KIF1B: variants seen among roughly 807,000 people sequenced by gnomAD.
KIF1B encodes kinesin-like protein KIF1B.
KIF1B carries 76 observed loss-of-function variants against 241.9 expected under a neutral mutation model. The ratio of observed to expected loss-of-function variants is 0.31; its 90% CI spans 0.26 to 0.38. KIF1B has a LOEUF of 0.38. Among genes scored for constraint, KIF1B ranks in the 10% least tolerant of loss-of-function variants. The probability of loss-of-function intolerance (pLI) is 1.00; values close to 1 mark genes in which losing one functional copy is unlikely to be tolerated. For missense variants in KIF1B, 1,622 were observed against 2,271.4 expected, an observed-to-expected ratio of 0.71 and a Z score of 5.81; for synonymous variants, 750 against 796.7, an observed-to-expected ratio of 0.94 and a Z score of 0.99.
chr1:10,282,060 C>G (rs1649430061), intron 14 of KIF1B, among the ~76,000 whole-genome samples: 1 of 152,176 alleles, frequency 6.6e-6, no homozygotes. Context: ...CTGCGAGATA[C>G]AGCGTTAACC....
chr1:10,298,143 C>T (rs1473315134), intron 22 of KIF1B, among the ~76,000 whole-genome samples: 3 of 152,130 alleles, frequency 2.0e-5, no homozygotes, highest in Admixed American at 6.5e-5. Flanking sequence ...GTATAACTAA[C>T]CTTTGGATAC....
chr1:10,306,883 A>T, intron 22 of KIF1B: 1 of 1,043,848 alleles, frequency 9.6e-7, no homozygotes, highest in Non-Finnish European at 1.2e-6. Context: ...ATATATTTTC[A>T]TTCTTACAGT....
intron 38 of KIF1B, among the ~76,000 whole-genome samples, chr1:10,354,548 A>C (rs1652908483): frequency 6.6e-6 from 1 of 152,188 alleles, no homozygotes; most frequent in Non-Finnish European, 1.5e-5. Flanking sequence ...ACAACTCACC[A>C]TTTTCTAACC....
intron 22 of KIF1B, chr1:10,305,087 G>T: frequency 9.4e-7 from 1 of 1,066,212 alleles, no homozygotes; most frequent in Non-Finnish European, 1.1e-6. Context: ...GTTAGAAATT[G>T]GTTTAAAAAT....
In KIF1B at chr1:10,324,989, A is replaced by G. The variant is rs78963948; in HGVS notation, c.2675+94A>G. On this transcript the variant is annotated intron_variant, in intron 26 of 48. Coordinates refer to ENST00000676179, the MANE Select transcript of KIF1B (RefSeq NM_001365951.3). Reference sequence around the variant, plus strand: ...AGATAATATAAAAAGTTAAGAGGAAAAAAAAAGGTGTAAAAAGGCCTTATC... The same window carrying G: ...AGATAATATAAAAAGTTAAGAGGAAGAAAAAAGGTGTAAAAAGGCCTTATC... 5.1e-3 allele frequency: 7,545 copies of G among 1,473,540 alleles called. 344 individuals carry two copies. In the African/African-American group the frequency reaches 0.092, roughly 18 times the overall value. The allele number at this position is 1,473,540 out of a possible 1,614,324, so 91.3% of individuals were successfully genotyped here. A position where few individuals can be genotyped will look rare whatever the true frequency, so the allele number is the denominator to read the frequency against.
At chr1:10,299,680 A>G (rs1650443142) in intron 22 of KIF1B, among the ~76,000 whole-genome samples, 1 of 152,212 alleles carries the variant, frequency 6.6e-6, no homozygotes, top group South Asian at 2.1e-4. Flanking sequence ...CTATTCTGAT[A>G]GTTCCCAAAT....
At chr1:10,333,372 A>G (rs1652031678) in intron 27 of KIF1B, among the ~76,000 whole-genome samples, 1 of 148,400 alleles carries the variant, frequency 6.7e-6, no homozygotes, top group Non-Finnish European at 1.5e-5. Flanking sequence ...CTCCATCTCA[A>G]AATAAATAAA....
chr1:10,217,250 G>A (rs1346605480), intron 1 of KIF1B, among the ~76,000 whole-genome samples: 3 of 151,078 alleles, frequency 2.0e-5, no homozygotes, highest in African/African-American at 7.3e-5. Context: ...TTGGGATTAC[G>A]GGCGTGACCC....
At chr1:10,261,830 T>A (rs908162094) in intron 4 of KIF1B, 75 bp from the exon 5 acceptor site, 45 of 889,980 alleles carry the variant, frequency 5.1e-5, no homozygotes, top group Middle Eastern at 2.2e-4. Flanking sequence ...TCTGGCTAAT[T>A]CATTGAGCAC....
At chr1:10,349,530 A>G (rs1166438027) in intron 37 of KIF1B, among the ~76,000 whole-genome samples, 3 of 152,206 alleles carry the variant, frequency 2.0e-5, no homozygotes, top group Non-Finnish European at 4.4e-5. Flanking sequence ...TGATGAATAA[A>G]TACCAAAATG....
intron 4 of KIF1B, among the ~76,000 whole-genome samples, chr1:10,258,883 G>A (rs1260731775): frequency 6.6e-6 from 1 of 152,180 alleles, no homozygotes. Context: ...AGGTGGGAAA[G>A]TCAGTGTTTT....
chr1:10,340,733 G>A (rs1652362013), intron 32 of KIF1B, among the ~76,000 whole-genome samples: 1 of 152,046 alleles, frequency 6.6e-6, no homozygotes, highest in South Asian at 2.1e-4. Flanking sequence ...TTGAGATTGT[G>A]CCACTGCACT....
intron 1 of KIF1B, among the ~76,000 whole-genome samples, chr1:10,226,972 A>AAAAAAAC (rs1553160557): frequency 2.0e-5 from 3 of 146,678 alleles, no homozygotes. Flanking sequence ...CCCTGTCTCA[A>AAAAAAAC]AAACAAACAA....
intron 27 of KIF1B, among the ~76,000 whole-genome samples, chr1:10,332,474 C>G (rs1173669509): frequency 6.9e-6 from 1 of 145,954 alleles, no homozygotes; most frequent in Non-Finnish European, 1.5e-5. Flanking sequence ...CTCACCTTGT[C>G]AGTCACCCTG....
intron 38 of KIF1B, among the ~76,000 whole-genome samples, chr1:10,353,832 A>G (rs746900055): frequency 5.9e-5 from 9 of 152,162 alleles, no homozygotes; most frequent in Non-Finnish European, 1.3e-4. Context: ...GCAGAAATAA[A>G]GAGGGGTGCT....
intron 37 of KIF1B, among the ~76,000 whole-genome samples, chr1:10,352,255 C>T (rs1652821698): frequency 6.9e-6 from 1 of 145,902 alleles, no homozygotes; most frequent in African/African-American, 2.6e-5. Context: ...GTGTGAATAG[C>T]AGGTCAGAAG....
At chr1:10,272,522 A>G in intron 9 of KIF1B, 3 of 628,196 alleles carry the variant, frequency 4.8e-6, no homozygotes. Context: ...GTAAATATAG[A>G]TCTGTAAAAA....
At chr1:10,252,516 A>T (rs1464471668) in intron 2 of KIF1B, among the ~76,000 whole-genome samples, 1 of 151,562 alleles carries the variant, frequency 6.6e-6, no homozygotes, top group East Asian at 1.9e-4. Context: ...GGCTCAGGTG[A>T]TCTTCCTACC....
chr1:10,304,006 C>T (rs1311232340), intron 22 of KIF1B: 1 of 1,610,276 alleles, frequency 6.2e-7, no homozygotes, highest in Admixed American at 1.7e-5. Context: ...AACAAAGCAG[C>T]TTCGTCGGCA....
Sources: allele counts gnomAD v4.1 joint callset (sites outside exome capture counted in the v4.1 genomes callset), GRCh38; gene constraint gnomAD v4.1.1; transcripts MANE v1.5; gene names NCBI Gene and HGNC (gene_info 2026-07-23, HGNC 2026-07-21).